GANC: variants seen among roughly 807,000 people sequenced by gnomAD.
GANC encodes neutral alpha-glucosidase C.
Under a neutral mutation model 124.2 loss-of-function variants are expected in GANC, and 117 were observed. The observed-to-expected ratio is 0.94, with a 90% confidence interval of 0.81 to 1.10. The LOEUF (loss-of-function observed/expected upper bound fraction) is 1.10. Ranked by LOEUF, GANC falls within the 50% of genes least tolerant of loss-of-function variation. The pLI is 0.00. For missense variants in GANC, 1,140 were observed against 1,095.0 expected (o/e 1.04, Z -0.58); for synonymous variants, 377 against 376.8 (o/e 1.00, Z -0.01).
At chr15:42,310,223 T>C in intron 8 of GANC, 60 bp from the exon 9 acceptor site, 1 of 1,265,182 alleles carries the variant, frequency 7.9e-7, no homozygotes, top group South Asian at 1.7e-5. Context: ...AGAGCTGTTC[T>C]ATTTATTAAT....
In GANC at chr15:42,352,420, T is replaced by C; in HGVS notation, c.*281T>C. On this transcript the variant is annotated 3_prime_UTR_variant, in exon 24 of 24. Coordinates refer to ENST00000318010, the MANE Select transcript of GANC (RefSeq NM_198141.3). ...TAGCGTTCAGGAGTCTTCTATTGCT[T>C]CCATTCCTTCAGCAGGGCTGCGTGG... 8.7e-7 allele frequency: 1 copy of C among 1,147,008 alleles called. No homozygotes were observed. Among genetic ancestry groups the C allele is most frequent in the South Asian group, 2.4e-5 (1 of 42,520 alleles). 71.1% of individuals were successfully genotyped at this position (1,147,008 alleles called of 1,614,324 possible).
intron 15 of GANC, among the ~76,000 whole-genome samples, chr15:42,332,598 G>A (rs1433696879): frequency 6.6e-6 from 1 of 152,152 alleles, no homozygotes; most frequent in East Asian, 1.9e-4. Context: ...GTTTATGTGA[G>A]CTTTCTTTCT....
chr15:42,330,763 C>A, intron 15 of GANC, 91 bp downstream of exon 15: 4 of 580,096 alleles, frequency 6.9e-6, no homozygotes, highest in African/African-American at 2.4e-5. Context: ...CTGATGCCTT[C>A]CTTTTCCTTT....
intron 10 of GANC, among the ~76,000 whole-genome samples, chr15:42,317,596 T>C (rs1281671978): frequency 6.6e-6 from 1 of 152,240 alleles, no homozygotes; most frequent in Non-Finnish European, 1.5e-5. Flanking sequence ...TAATGTAATA[T>C]GCCATAAAAA....
Position 42,351,203 on chromosome 15 carries a change from A to G in GANC, c.2532-126A>G, listed in dbSNP as rs543711902. 1,337 of 639,092 alleles carry G rather than the reference A, an allele frequency of 2.1e-3. 21 individuals are homozygous for G. In the South Asian group the frequency reaches 0.025, roughly 12 times the overall value. 39.6% of individuals were successfully genotyped at this position (639,092 alleles called of 1,614,324 possible). ...TTATCTCTTCATCCTAGTAAATATG[A>G]CTCCCATATGGATCATGCCTCCAAG... On this transcript the variant is annotated intron_variant, in intron 22 of 23. Coordinates refer to ENST00000318010, the MANE Select transcript of GANC (RefSeq NM_198141.3).
Position 42,340,744 on chromosome 15 carries a change from A to G in GANC, c.2142A>G (p.Glu714=). Residue 714 remains glutamate, a synonymous_variant, in exon 18 of 24, where the codon GAA becomes GAG. Transcript: ENST00000318010. ...DELKTFDMED[E]YMLGSALLVH... is the part of the protein sequence containing the mutation. ...TAAAGACTTTTGATATGGAAGATGA[A>G]TACATGCTGGGTGAGCATTTCTGTT... is the stretch of plus-strand genomic sequence containing the variant. The G allele has an allele frequency of 1.2e-6, 2 of 1,602,456 alleles. No homozygotes were observed. The highest frequency in any genetic ancestry group is 1.7e-6 in the Non-Finnish European group (2 of 1,177,224).
At chr15:42,278,901 G>A (rs749131243) in intron 3 of GANC, among the ~76,000 whole-genome samples, 7 of 152,136 alleles carry the variant, frequency 4.6e-5, no homozygotes, top group East Asian at 1.9e-4. Context: ...AGGCTGAGGT[G>A]GGAGGATCTC....
chr15:42,276,806 A>T (rs1056228724), intron 2 of GANC, among the ~76,000 whole-genome samples: 1 of 151,804 alleles, frequency 6.6e-6, no homozygotes, highest in Admixed American at 6.6e-5. Context: ...TCCTTCCAGT[A>T]TTTTTTTGTA....
rs200323068 is a variant in GANC at position 42,329,393 on chromosome 15, A to G, written c.1588A>G (p.Ile530Val). ...GPEQTMQKNA[I>V]HHGNWEHREL... The stretch of plus-strand genomic sequence containing the variant: ...AGAGCAAACCATGCAGAAGAATGCC[A>G]TTCATCATGGCAATTGGGAGCACAG... Residue 530 changes from isoleucine (I) to valine (V), a missense_variant, in exon 14 of 24, where the codon ATT (isoleucine) becomes GTT (valine). Physicochemically the swap from Ile to Val is conservative, Grantham distance 29 (BLOSUM62 3). Coordinates refer to ENST00000318010, the MANE Select transcript of GANC (RefSeq NM_198141.3). The G allele has an allele frequency of 1.5e-5, 24 of 1,613,914 alleles. 1 individual carries two copies. Among genetic ancestry groups the G allele is most frequent in the South Asian group, 3.3e-5 (3 of 91,080 alleles).
chr15:42,329,226 T>A (rs2052221469), intron 13 of GANC, 80 bp from the exon 14 acceptor site: 4 of 1,393,584 alleles, frequency 2.9e-6, no homozygotes, highest in Non-Finnish European at 3.9e-6. Flanking sequence ...ACATAATTTT[T>A]AAAATGAGGT....
intron 8 of GANC, 48 bp from the exon 9 acceptor site, chr15:42,310,235 T>G: frequency 7.4e-7 from 1 of 1,349,428 alleles, no homozygotes; most frequent in Non-Finnish European, 1.0e-6. Flanking sequence ...TTTATTAATA[T>G]TAATAATATA....
intron 15 of GANC, 100 bp downstream of exon 15, chr15:42,330,772 T>A: frequency 8.6e-4 from 6 of 7,012 alleles, no homozygotes; most frequent in Non-Finnish European, 8.3e-3. Context: ...TCCTTTTCCT[T>A]TTTTTTTTTT....
chr15:42,331,657 C>G (rs1383732111), intron 15 of GANC, among the ~76,000 whole-genome samples: 1 of 152,128 alleles, frequency 6.6e-6, no homozygotes, highest in Admixed American at 6.5e-5. Flanking sequence ...GGCAAAGATT[C>G]ATGTACAGAG....
intron 11 of GANC, among the ~76,000 whole-genome samples, chr15:42,324,977 A>AG (rs1294111246): frequency 6.6e-6 from 1 of 152,142 alleles, no homozygotes; most frequent in Non-Finnish European, 1.5e-5. Flanking sequence ...CAATTTAAAA[A>AG]TTAAGGCTGG....
chr15:42,294,574 CAAAAAAAAA>C (rs34588821), intron 5 of GANC, among the ~76,000 whole-genome samples: 1 of 119,324 alleles, frequency 8.4e-6, no homozygotes, highest in Non-Finnish European at 1.7e-5. Context: ...GACTCTGTCT[CAAAAAAAAA>C]AAAAAAAAAA....
chr15:42,301,029 AAAG>A (rs555224468), intron 6 of GANC, among the ~76,000 whole-genome samples: 14,560 of 144,854 alleles, frequency 0.1, 1,007 homozygotes, highest in Admixed American at 0.19. Context: ...AAAAAAAAAA[AAAG>A]AAAGAAAGAA....
intron 5 of GANC, among the ~76,000 whole-genome samples, chr15:42,295,728 G>A (rs12908430): frequency 0.059 from 8,881 of 150,788 alleles, 386 homozygotes; most frequent in Non-Finnish European, 0.088. Context: ...CCAGTTTCCC[G>A]TCTGGCATGT....
At chr15:42,332,659 A>G (rs184175328) in intron 15 of GANC, among the ~76,000 whole-genome samples, 2 of 152,170 alleles carry the variant, frequency 1.3e-5, no homozygotes, top group Non-Finnish European at 2.9e-5. Context: ...AAATACGTAC[A>G]TATCTCGCTT....
At chr15:42,351,575 G>A in intron 23 of GANC, 143 bp downstream of exon 23, 1 of 611,708 alleles carries the variant, frequency 1.6e-6, no homozygotes, top group East Asian at 2.8e-5. Flanking sequence ...CTAGTCTGTA[G>A]AATAAATGAG....
Sources: gnomAD v4.1 joint callset for allele counts (sites outside exome capture counted in the v4.1 genomes callset) on GRCh38, gnomAD v4.1.1 for gene constraint, MANE v1.5 for transcripts, NCBI Gene and HGNC (gene_info 2026-07-23, HGNC 2026-07-21) for gene names.